Variants in KCNU1 observed in about 807,000 individuals in gnomAD.
The protein encoded by KCNU1 is potassium calcium-activated channel subfamily U member 1.
KCNU1 carries 93 observed loss-of-function variants against 126.8 expected under a neutral mutation model. The ratio of observed to expected loss-of-function variants is 0.73; its 90% CI spans 0.62 to 0.87. The LOEUF is 0.87. Ranked by LOEUF, KCNU1 falls within the 40% of genes least tolerant of loss-of-function variation. KCNU1 has a pLI of 0.00. For missense variants in KCNU1, 1,330 were observed against 1,367.1 expected (o/e 0.97, Z 0.43); for synonymous variants, 523 against 494.2 (o/e 1.06, Z -0.77).
chr8:36,813,343 C>T (rs1455621477), intron 7 of KCNU1, among the ~76,000 whole-genome samples: 2 of 151,978 alleles, frequency 1.3e-5, no homozygotes, highest in African/African-American at 4.8e-5. Flanking sequence ...CCACTTCCCC[C>T]AGTCAGACAT....
chr8:36,816,916 G>A (rs1803933328), intron 9 of KCNU1, among the ~76,000 whole-genome samples: 1 of 149,920 alleles, frequency 6.7e-6, no homozygotes, highest in African/African-American at 2.5e-5. Flanking sequence ...AAAAATTGAT[G>A]AACTTTTCTG....
intron 7 of KCNU1, among the ~76,000 whole-genome samples, chr8:36,809,982 T>C (rs1449205344): frequency 6.6e-6 from 1 of 152,146 alleles, no homozygotes; most frequent in Admixed American, 6.5e-5. Flanking sequence ...GTTCTAATAA[T>C]CCCACTCTCC....
intron 1 of KCNU1, among the ~76,000 whole-genome samples, chr8:36,785,361 C>A (rs1276384609): frequency 6.6e-6 from 1 of 152,088 alleles, no homozygotes; most frequent in Non-Finnish European, 1.5e-5. Context: ...ATTTTGCTTC[C>A]CAAACTTTCT....
chr8:36,878,292 C>T (rs1170646107), intron 19 of KCNU1, among the ~76,000 whole-genome samples: 10 of 152,120 alleles, frequency 6.6e-5, no homozygotes, highest in Non-Finnish European at 1.3e-4. Flanking sequence ...TGATGTTGGC[C>T]TTCAGGTGAG....
intron 18 of KCNU1, among the ~76,000 whole-genome samples, chr8:36,863,484 A>G (rs1230804246): frequency 6.6e-6 from 1 of 152,174 alleles, no homozygotes; most frequent in Non-Finnish European, 1.5e-5. Context: ...TCTGATCACC[A>G]AGCAATCAGG....
intron 19 of KCNU1, among the ~76,000 whole-genome samples, chr8:36,899,594 G>A (rs1385974217): frequency 6.6e-6 from 1 of 152,002 alleles, no homozygotes; most frequent in Non-Finnish European, 1.5e-5. Flanking sequence ...ACTTCATGAA[G>A]ACTCTGTGTA....
chr8:36,894,163 T>C (rs1465007150), intron 19 of KCNU1, among the ~76,000 whole-genome samples: 2 of 152,160 alleles, frequency 1.3e-5, no homozygotes, highest in Non-Finnish European at 2.9e-5. Flanking sequence ...ACTACCTGTT[T>C]TTATATGGTT....
chr8:36,892,021 T>G (rs1806981515), intron 19 of KCNU1, among the ~76,000 whole-genome samples: 1 of 152,270 alleles, frequency 6.6e-6, no homozygotes, highest in East Asian at 1.9e-4. Flanking sequence ...ATGTAAAATT[T>G]GTGTCCATTA....
intron 7 of KCNU1, among the ~76,000 whole-genome samples, chr8:36,812,987 A>G (rs1251071607): frequency 6.6e-6 from 1 of 152,196 alleles, no homozygotes; most frequent in Non-Finnish European, 1.5e-5. Flanking sequence ...AAAAGACACT[A>G]TGGGATTTTA....
chr8:36,883,533 C>T (rs558099354), intron 19 of KCNU1, among the ~76,000 whole-genome samples: 1 of 152,246 alleles, frequency 6.6e-6, no homozygotes, highest in Non-Finnish European at 1.5e-5. Context: ...CCTGTAATCC[C>T]AGCACTTGGG....
chr8:36,833,075 A>C (rs184489446), intron 10 of KCNU1, among the ~76,000 whole-genome samples: 59 of 152,270 alleles, frequency 3.9e-4, no homozygotes, highest in Non-Finnish European at 5.9e-4. Context: ...TCTGTCAAGA[A>C]AAATACCGTT....
chr8:36,833,888 T>A (rs1400870580), intron 11 of KCNU1, among the ~76,000 whole-genome samples: 4 of 152,180 alleles, frequency 2.6e-5, no homozygotes, highest in East Asian at 1.9e-4. Flanking sequence ...TATATTTAAA[T>A]TATTTATTTC....
At chr8:36,883,571 C>A (rs893994941) in intron 19 of KCNU1, among the ~76,000 whole-genome samples, 4 of 151,980 alleles carry the variant, frequency 2.6e-5, no homozygotes, top group Non-Finnish European at 5.9e-5. Flanking sequence ...ATCACTTGAG[C>A]CCAGGAGTTC....
intron 18 of KCNU1, among the ~76,000 whole-genome samples, chr8:36,857,256 T>C (rs897556966): frequency 2.6e-5 from 4 of 152,220 alleles, no homozygotes; most frequent in African/African-American, 9.6e-5. Context: ...CATCCTGTGA[T>C]ACCTAAACAG....
rs1333608420 is a variant in KCNU1, at chr8:36,879,225, A to G, written c.2009+14704A>G. 7.7e-5 allele frequency among the ~76,000 whole-genome samples: 11 copies of G among 142,938 alleles called. 1 individual carries two copies. The highest frequency in any genetic ancestry group is 2.8e-4 in the African/African-American group (11 of 39,634). 93.8% of individuals were successfully genotyped at this position (142,938 alleles called of 152,430 possible). A position where few individuals can be genotyped will look rare whatever the true frequency, so the allele number is the denominator to read the frequency against. ...TGTGTGTGTGTGTATATATATATATATATATATATATATACACACACATAT... is the reference window on the plus strand; with the variant it reads ...TGTGTGTGTGTGTATATATATATATGTATATATATATATACACACACATAT... On this transcript the variant is annotated intron_variant, in intron 19 of 26. Transcript: ENST00000399881.
At chr8:36,800,209 C>A (rs998890744) in intron 2 of KCNU1, among the ~76,000 whole-genome samples, 6 of 152,144 alleles carry the variant, frequency 3.9e-5, no homozygotes, top group Non-Finnish European at 8.8e-5. Flanking sequence ...AGGCACTTAT[C>A]CATGGTATGT....
intron 25 of KCNU1, among the ~76,000 whole-genome samples, chr8:36,932,715 A>C (rs1585583937): frequency 6.6e-6 from 1 of 152,130 alleles, no homozygotes; most frequent in East Asian, 1.9e-4. Context: ...AAGAGCCAGA[A>C]TGATAAAAAC....
chr8:36,850,737 A>G (rs545341943), intron 18 of KCNU1, among the ~76,000 whole-genome samples: 2 of 152,346 alleles, frequency 1.3e-5, no homozygotes, highest in Admixed American at 6.5e-5. Context: ...GATTACAGGC[A>G]TGAGCCGATG....
At chr8:36,866,368 T>A (rs181037933) in intron 19 of KCNU1, among the ~76,000 whole-genome samples, 10 of 152,266 alleles carry the variant, frequency 6.6e-5, no homozygotes, top group Admixed American at 6.5e-4. Context: ...GAGTCAAACA[T>A]CTGAGCCACC....
Sources: gnomAD v4.1 joint callset for allele counts (sites outside exome capture counted in the v4.1 genomes callset) on GRCh38, gnomAD v4.1.1 for gene constraint, MANE v1.5 for transcripts, NCBI Gene and HGNC (gene_info 2026-07-23, HGNC 2026-07-21) for gene names.